METTL16: variants seen among roughly 807,000 people sequenced by gnomAD.
The protein encoded by METTL16 is RNA N(6)-adenosine-methyltransferase METTL16.
In METTL16, 19 loss-of-function variants were observed where a neutral mutation model predicts 57.9. That is an observed-to-expected ratio of 0.33 (90% CI 0.23 to 0.48). The LOEUF is 0.48. Ranked by LOEUF, METTL16 falls within the 20% of genes least tolerant of loss-of-function variation. The pLI is 0.99. For synonymous variants in METTL16, 246 were observed against 255.6 expected, an observed-to-expected ratio of 0.96 and a Z score of 0.36; for missense variants, 434 against 691.5, an observed-to-expected ratio of 0.63 and a Z score of 4.18.
At chr17:2,437,478 C>A (rs1421626542) in intron 8 of METTL16, among the ~76,000 whole-genome samples, 3 of 152,192 alleles carry the variant, frequency 2.0e-5, no homozygotes, top group African/African-American at 7.2e-5. Context: ...TGTCCACCAG[C>A]GTAATTATAT....
intron 2 of METTL16, among the ~76,000 whole-genome samples, chr17:2,491,841 C>G (rs546498790): frequency 8.7e-5 from 12 of 138,236 alleles, no homozygotes; most frequent in South Asian, 4.6e-4. Context: ...CGCCACTGCA[C>G]TCCAGCCTGG....
At chr17:2,477,603 C>T (rs2067277154) in intron 3 of METTL16, 83 bp downstream of exon 3, 14 of 994,652 alleles carry the variant, frequency 1.4e-5, no homozygotes, top group Middle Eastern at 2.5e-4. Flanking sequence ...ACAACAAATA[C>T]CCAGTAGAAA....
chr17:2,495,436 C>T lies in METTL16; in HGVS notation c.128+6768G>A, dbSNP rs182833523. 1.2e-4 allele frequency among the ~76,000 whole-genome samples: 18 copies of T among 152,224 alleles called. No homozygotes were observed. The East Asian group carries it at 2.7e-3, about 23-fold the overall frequency. The stretch of plus-strand genomic sequence containing the variant: ...TTTCGGCTGGGTGCGGTGGCTCACG[C>T]CTGTAATCCCAGCACTTTGAGAGGC... On this transcript the variant is annotated intron_variant, in intron 2 of 9. Coordinates refer to ENST00000263092, the MANE Select transcript of METTL16 (RefSeq NM_024086.4).
chr17:2,428,008 G>A (rs1191698765), intron 8 of METTL16, among the ~76,000 whole-genome samples: 1 of 149,640 alleles, frequency 6.7e-6, no homozygotes, highest in Non-Finnish European at 1.5e-5. Context: ...GAGGGAGGGA[G>A]GAAGTGGAAG....
At chr17:2,476,574 T>C (rs890497921) in intron 3 of METTL16, among the ~76,000 whole-genome samples, 2 of 152,158 alleles carry the variant, frequency 1.3e-5, no homozygotes, top group Non-Finnish European at 2.9e-5. Flanking sequence ...GAAAAGATCA[T>C]GTAGGATGAG....
chr17:2,430,335 T>C (rs1164422382), intron 8 of METTL16, among the ~76,000 whole-genome samples: 1 of 151,976 alleles, frequency 6.6e-6, no homozygotes, highest in Non-Finnish European at 1.5e-5. Flanking sequence ...TCTATCTGTA[T>C]TTAAAGTTGA....
In METTL16 at chr17:2,486,276, C is replaced by G. The variant is rs1178746240; in HGVS notation, c.129-8391G>C. ...TTAATAATCACACCAGGATACTACT[C>G]TTTTTTTTTTTTTGAGACAGAGTCT... On this transcript the variant is annotated intron_variant, in intron 2 of 9. Coordinates refer to ENST00000263092, the MANE Select transcript of METTL16 (RefSeq NM_024086.4). 3.5e-4 allele frequency among the ~76,000 whole-genome samples: 51 copies of G among 145,474 alleles called. No individual in the cohort carries two copies. The Admixed American group carries it at 3.5e-3, about 10-fold the overall frequency.
At chr17:2,474,652 G>A (rs564748958) in intron 3 of METTL16, among the ~76,000 whole-genome samples, 3 of 152,332 alleles carry the variant, frequency 2.0e-5, no homozygotes, top group East Asian at 1.9e-4. Flanking sequence ...CAGGCCGGGC[G>A]TGGTGGCTCA....
At chr17:2,486,910 G>A (rs999165861) in intron 2 of METTL16, among the ~76,000 whole-genome samples, 3 of 150,966 alleles carry the variant, frequency 2.0e-5, no homozygotes, top group African/African-American at 7.3e-5. Flanking sequence ...GTACTGAGGT[G>A]GGAGGATCAC....
intron 2 of METTL16, 135 bp downstream of exon 2, chr17:2,502,069 A>T: frequency 2.5e-6 from 2 of 799,028 alleles, no homozygotes; most frequent in Non-Finnish European, 3.9e-6. Flanking sequence ...AGACCAAGAG[A>T]GGTTAAGTGA....
At chr17:2,489,574 A>G (rs930147147) in intron 2 of METTL16, among the ~76,000 whole-genome samples, 2 of 151,664 alleles carry the variant, frequency 1.3e-5, no homozygotes, top group African/African-American at 4.8e-5. Flanking sequence ...CGTCTCTACT[A>G]AAAATGCAAA....
At chr17:2,450,412 A>G (rs8069354) in intron 6 of METTL16, among the ~76,000 whole-genome samples, 4,950 of 152,290 alleles carry the variant, frequency 0.033, 300 homozygotes, top group African/African-American at 0.11. Context: ...GTTGTGACAG[A>G]AAGTACATCA....
At chr17:2,502,480 TC>T in intron 1 of METTL16, 149 bp from the exon 2 acceptor site, 1 of 610,928 alleles carries the variant, frequency 1.6e-6, no homozygotes, top group Non-Finnish European at 2.8e-6. Flanking sequence ...GACCATCCCA[TC>T]CTGGCCAACA....
chr17:2,474,230 C>T (rs1271810388), intron 3 of METTL16, among the ~76,000 whole-genome samples: 1 of 152,018 alleles, frequency 6.6e-6, no homozygotes, highest in East Asian at 1.9e-4. Flanking sequence ...GAAAACAATG[C>T]TATTTATTAA....
intron 2 of METTL16, among the ~76,000 whole-genome samples, chr17:2,491,591 GT>G (rs2067389664): frequency 6.6e-6 from 1 of 152,138 alleles, no homozygotes; most frequent in South Asian, 2.1e-4. Context: ...AAACAAATCA[GT>G]TGGCCGGGCA....
chr17:2,435,298 G>A (rs930485969), intron 8 of METTL16, among the ~76,000 whole-genome samples: 1 of 152,094 alleles, frequency 6.6e-6, no homozygotes, highest in South Asian at 2.1e-4. Context: ...CTAAAATGGC[G>A]GGAGTGGGGG....
intron 5 of METTL16, among the ~76,000 whole-genome samples, chr17:2,464,926 T>C (rs1033098796): frequency 2.6e-5 from 4 of 152,118 alleles, no homozygotes; most frequent in African/African-American, 9.7e-5. Flanking sequence ...AACAGATAAA[T>C]TGGACTTCAT....
chr17:2,493,234 G>A (rs570053380), intron 2 of METTL16, among the ~76,000 whole-genome samples: 10 of 150,368 alleles, frequency 6.7e-5, no homozygotes, highest in African/African-American at 2.2e-4. Context: ...GATTAGAGGT[G>A]CGTGCCACCA....
intron 1 of METTL16, among the ~76,000 whole-genome samples, chr17:2,510,686 G>C (rs2067581142): frequency 6.6e-6 from 1 of 151,276 alleles, no homozygotes; most frequent in South Asian, 2.1e-4. Context: ...TTCTTGTTGA[G>C]ACAAGGTCTT....
Sources: allele counts gnomAD v4.1 joint callset (sites outside exome capture counted in the v4.1 genomes callset), GRCh38; gene constraint gnomAD v4.1.1; transcripts MANE v1.5; gene names NCBI Gene and HGNC (gene_info 2026-07-23, HGNC 2026-07-21).